Variants in NRF1 observed in about 807,000 individuals in gnomAD.
NRF1 encodes the protein nuclear respiratory factor 1, also known as alpha palindromic-binding protein.
A neutral mutation model predicts 58.5 loss-of-function variants in NRF1; 5 were observed. The observed-to-expected ratio is 0.09, with a 90% CI of 0.04 to 0.18. The LOEUF (loss-of-function observed/expected upper bound fraction) is 0.18. Among genes scored for constraint, NRF1 ranks in the 10% least tolerant of loss-of-function variants. NRF1 has a pLI of 1.00. For missense variants in NRF1, 288 were observed against 657.7 expected (o/e 0.44, Z 6.15); for synonymous variants, 224 against 246.7 (o/e 0.91, Z 0.86).
At chr7:129,702,789 A>T (rs1433854827) in intron 5 of NRF1, among the ~76,000 whole-genome samples, 1 of 152,158 alleles carries the variant, frequency 6.6e-6, no homozygotes, top group Non-Finnish European at 1.5e-5. Context: ...TAAATTTATT[A>T]TGTATTCTCT....
intron 1 of NRF1, among the ~76,000 whole-genome samples, chr7:129,626,776 T>C (rs1800929233): frequency 6.6e-6 from 1 of 152,206 alleles, no homozygotes; most frequent in African/African-American, 2.4e-5. Flanking sequence ...GATCAGGAAA[T>C]CAGGTACTCC....
chr7:129,629,402 T>A (rs1584587712), intron 1 of NRF1, among the ~76,000 whole-genome samples: 1 of 151,934 alleles, frequency 6.6e-6, no homozygotes, highest in South Asian at 2.1e-4. Flanking sequence ...CTCAGCCTCC[T>A]GAGTAGCTGG....
chr7:129,619,429 TATATACACAC>T (rs1800730436), intron 1 of NRF1, among the ~76,000 whole-genome samples: 1 of 75,166 alleles, frequency 1.3e-5, no homozygotes, highest in East Asian at 5.9e-4. Flanking sequence ...TATATATATA[TATATACACAC>T]ACACACACAT....
intron 10 of NRF1, among the ~76,000 whole-genome samples, chr7:129,732,598 TTTTG>T (rs57499892): frequency 2.0e-5 from 3 of 150,824 alleles, no homozygotes; most frequent in South Asian, 2.1e-4. Context: ...CCTTTGGGGT[TTTTG>T]TTTGTTTGTT....
At chr7:129,707,075 C>T (rs894462971) in intron 5 of NRF1, among the ~76,000 whole-genome samples, 9 of 152,134 alleles carry the variant, frequency 5.9e-5, no homozygotes, top group Non-Finnish European at 1.0e-4. Flanking sequence ...CTCACTGCAT[C>T]CTTGACCTCC....
intron 1 of NRF1, among the ~76,000 whole-genome samples, chr7:129,634,061 TACACACAC>T (rs141834786): frequency 0.016 from 2,051 of 131,402 alleles, 44 homozygotes; most frequent in African/African-American, 0.052. Flanking sequence ...TATATATATA[TACACACAC>T]ACACACACAC....
chr7:129,633,224 A>C (rs1032052606), intron 1 of NRF1, among the ~76,000 whole-genome samples: 1 of 152,218 alleles, frequency 6.6e-6, no homozygotes, highest in African/African-American at 2.4e-5. Context: ...CTAGTAAACA[A>C]ATTTTCCAGA....
intron 1 of NRF1, 71 bp from the exon 2 acceptor site, chr7:129,657,275 A>C: frequency 8.8e-7 from 1 of 1,130,520 alleles, no homozygotes; most frequent in South Asian, 1.3e-5. Context: ...TGAATAAAAT[A>C]TCTCTTAGTT....
chr7:129,731,516 G>T (rs1450279932), intron 10 of NRF1, among the ~76,000 whole-genome samples: 1 of 152,144 alleles, frequency 6.6e-6, no homozygotes, highest in Non-Finnish European at 1.5e-5. Context: ...TCATGGTTCG[G>T]TTCAATATAA....
At chr7:129,681,678 A>T (rs1449034893) in intron 4 of NRF1, among the ~76,000 whole-genome samples, 1 of 152,174 alleles carries the variant, frequency 6.6e-6, no homozygotes, top group Non-Finnish European at 1.5e-5. Flanking sequence ...GGTTCAAGCG[A>T]TCCTCCCGCC....
At chr7:129,626,379 C>G (rs1036201258) in intron 1 of NRF1, among the ~76,000 whole-genome samples, 2 of 152,122 alleles carry the variant, frequency 1.3e-5, no homozygotes, top group African/African-American at 4.8e-5. Flanking sequence ...ATCATTTAGC[C>G]AACTGTGAGG....
intron 10 of NRF1, among the ~76,000 whole-genome samples, chr7:129,745,036 AAAAT>A (rs1366671549): frequency 1.3e-5 from 2 of 152,210 alleles, no homozygotes; most frequent in Non-Finnish European, 2.9e-5. Flanking sequence ...TAATAACAGA[AAAAT>A]AAATAAATCT....
At chr7:129,641,765 C>T (rs987997318) in intron 1 of NRF1, 5 of 151,592 alleles carry the variant, frequency 3.3e-5, no homozygotes, top group African/African-American at 9.7e-5. Context: ...CTGCAACTTC[C>T]ACATCCCGGG....
chr7:129,619,408 A>G lies in NRF1; in HGVS notation c.-7+7584A>G, dbSNP rs1187426273. 3.5e-3 allele frequency among the ~76,000 whole-genome samples: 321 copies of G among 92,320 alleles called. 8 individuals are homozygous for G. Among genetic ancestry groups the G allele is most frequent in the Non-Finnish European group, 5.0e-3 (259 of 51,474 alleles). The allele number at this position is 92,320 out of a possible 152,430, so 60.6% of individuals were successfully genotyped here. A position where few individuals can be genotyped will look rare whatever the true frequency, so the allele number is the denominator to read the frequency against. On this transcript the variant is annotated intron_variant, in intron 1 of 10. Coordinates refer to ENST00000393232, the MANE Select transcript of NRF1 (RefSeq NM_005011.5). ...ACTTGGCATACGTGTATATATATAT[A>G]TATATATATATATATATATATATAT...
intron 2 of NRF1, among the ~76,000 whole-genome samples, chr7:129,670,404 GGAAA>G (rs1484931492): frequency 6.6e-6 from 1 of 152,114 alleles, no homozygotes; most frequent in Non-Finnish European, 1.5e-5. Flanking sequence ...TATTTATGAT[GGAAA>G]GAAAGGTAAA....
intron 3 of NRF1, among the ~76,000 whole-genome samples, chr7:129,673,107 A>G (rs927828280): frequency 6.6e-6 from 1 of 152,196 alleles, no homozygotes; most frequent in African/African-American, 2.4e-5. Flanking sequence ...ATCAGCTATC[A>G]AATGCTGCTG....
chr7:129,631,432 C>A (rs1381974807), intron 1 of NRF1, among the ~76,000 whole-genome samples: 1 of 151,886 alleles, frequency 6.6e-6, no homozygotes, highest in Non-Finnish European at 1.5e-5. Context: ...GTTGCCAAGG[C>A]TGGTTTTAAA....
chr7:129,625,980 C>T (rs1800910932), intron 1 of NRF1, among the ~76,000 whole-genome samples: 1 of 152,100 alleles, frequency 6.6e-6, no homozygotes, highest in Non-Finnish European at 1.5e-5. Flanking sequence ...CCACACCCAG[C>T]CCCATGTTTT....
chr7:129,633,932 A>G (rs1209942193), intron 1 of NRF1, among the ~76,000 whole-genome samples: 2 of 150,810 alleles, frequency 1.3e-5, no homozygotes, highest in Admixed American at 6.6e-5. Flanking sequence ...GGCTGTGGTG[A>G]TTTAGATTGG....
Sources: allele counts gnomAD v4.1 joint callset (sites outside exome capture counted in the v4.1 genomes callset), GRCh38; gene constraint gnomAD v4.1.1; transcripts MANE v1.5; gene names NCBI Gene and HGNC (gene_info 2026-07-23, HGNC 2026-07-21).